The following SPAG16 variants were observed in gnomAD, a reference collection of about 807,000 sequenced individuals.
SPAG16 encodes the protein sperm-associated antigen 16 protein.
In SPAG16, 86 loss-of-function variants were observed where a neutral mutation model predicts 80.4. The observed-to-expected ratio is 1.07, with a 90% confidence interval of 0.90 to 1.28. SPAG16 has a LOEUF of 1.28. Among genes scored for constraint, SPAG16 ranks in the 50% most tolerant of loss-of-function variants. The pLI is 0.00. For synonymous variants in SPAG16, 294 were observed against 265.9 expected (o/e 1.11, Z -1.03); for missense variants, 870 against 765.3 (o/e 1.14, Z -1.61).
chr2:214,005,549 T>G (rs558514298), intron 12 of SPAG16, among the ~76,000 whole-genome samples: 1 of 152,304 alleles, frequency 6.6e-6, no homozygotes, highest in East Asian at 1.9e-4. Flanking sequence ...CACGTGATTT[T>G]CATACAGACA....
chr2:213,474,800 G>A (rs1410067944), intron 9 of SPAG16, among the ~76,000 whole-genome samples: 3 of 152,100 alleles, frequency 2.0e-5, no homozygotes, highest in Admixed American at 1.3e-4. Context: ...GAGATATACT[G>A]GCAGCTGATT....
intron 5 of SPAG16, among the ~76,000 whole-genome samples, chr2:213,318,678 T>C (rs886750755): frequency 6.6e-6 from 1 of 151,900 alleles, no homozygotes; most frequent in African/African-American, 2.4e-5. Context: ...CTATCCATAA[T>C]TTCACCACCC....
chr2:213,993,322 T>G (rs2046369605), intron 12 of SPAG16, among the ~76,000 whole-genome samples: 1 of 152,224 alleles, frequency 6.6e-6, no homozygotes, highest in Admixed American at 6.5e-5. Flanking sequence ...AGTCACACAG[T>G]GCAAAATATT....
chr2:214,253,013 A>G (rs1364490996), intron 15 of SPAG16, among the ~76,000 whole-genome samples: 1 of 150,486 alleles, frequency 6.6e-6, no homozygotes, highest in African/African-American at 2.4e-5. Context: ...ATGGTATCTC[A>G]TTGTGGTTTG....
intron 13 of SPAG16, among the ~76,000 whole-genome samples, chr2:214,025,345 T>C (rs189274476): frequency 7.6e-4 from 115 of 151,708 alleles, no homozygotes; most frequent in Non-Finnish European, 1.2e-3. Flanking sequence ...AATTCCACAG[T>C]ATGTATAGTG....
intron 10 of SPAG16, among the ~76,000 whole-genome samples, chr2:213,638,627 T>A (rs2062461699): frequency 6.6e-6 from 1 of 152,202 alleles, no homozygotes; most frequent in South Asian, 2.1e-4. Context: ...TAATTTTATT[T>A]TCTTAAATTT....
chr2:214,261,860 T>G (rs1691204057), intron 15 of SPAG16, among the ~76,000 whole-genome samples: 1 of 152,190 alleles, frequency 6.6e-6, no homozygotes, highest in Non-Finnish European at 1.5e-5. Context: ...TGTGGAATTT[T>G]GATGCAAATG....
intron 10 of SPAG16, among the ~76,000 whole-genome samples, chr2:213,673,557 A>C (rs573661464): frequency 2.6e-5 from 4 of 152,164 alleles, no homozygotes; most frequent in Non-Finnish European, 5.9e-5. Flanking sequence ...AAGACCATTG[A>C]GTCAAGGGAA....
At chr2:213,847,288 A>G (rs940686957) in intron 10 of SPAG16, among the ~76,000 whole-genome samples, 10 of 152,170 alleles carry the variant, frequency 6.6e-5, no homozygotes, top group African/African-American at 2.4e-4. Flanking sequence ...CTATGAAGAA[A>G]TACCTGGGTA....
intron 10 of SPAG16, among the ~76,000 whole-genome samples, chr2:213,612,703 C>A (rs1187503423): frequency 6.6e-6 from 1 of 152,042 alleles, no homozygotes; most frequent in African/African-American, 2.4e-5. Flanking sequence ...TTTTGAGACG[C>A]AGTTTCGCTC....
intron 10 of SPAG16, among the ~76,000 whole-genome samples, chr2:213,801,407 TAGAA>T (rs1200203278): frequency 1.3e-5 from 2 of 152,218 alleles, no homozygotes; most frequent in Non-Finnish European, 2.9e-5. Flanking sequence ...TACTAAAAGA[TAGAA>T]AGAACAAGAC....
chr2:213,786,005 C>CT (rs1193420618), intron 10 of SPAG16, among the ~76,000 whole-genome samples: 2 of 146,554 alleles, frequency 1.4e-5, no homozygotes, highest in Admixed American at 6.8e-5. Context: ...AAAACTCCGT[C>CT]TAAAAAAAAA....
At chr2:213,426,850 C>T (rs1215931625) in intron 9 of SPAG16, among the ~76,000 whole-genome samples, 14 of 144,718 alleles carry the variant, frequency 9.7e-5, no homozygotes, top group African/African-American at 3.0e-4. Flanking sequence ...CACACACACA[C>T]ACACACACAC....
At chr2:214,316,331 G>C (rs1695689263) in intron 15 of SPAG16, among the ~76,000 whole-genome samples, 1 of 152,182 alleles carries the variant, frequency 6.6e-6, no homozygotes, top group South Asian at 2.1e-4. Flanking sequence ...CAATTTGACT[G>C]AGATGGGAGG....
chr2:213,630,354 G>A lies in SPAG16; in HGVS notation c.1070+140264G>A, dbSNP rs545067430. Among the ~76,000 whole-genome samples, 1,077 of 151,482 alleles carry A rather than the reference G, an allele frequency of 7.1e-3. 13 individuals are homozygous for A. Among genetic ancestry groups the A allele is most frequent in the African/African-American group, 0.025 (1,026 of 41,278 alleles). On this transcript the variant is annotated intron_variant, in intron 10 of 15. Coordinates refer to ENST00000331683, the MANE Select transcript of SPAG16 (RefSeq NM_024532.5). ...AGCCGAGATTGCACCACTGCACTCCGGCCTGGGTGACAGAGCAAGACTCCA... is the reference window on the plus strand; with the variant it reads ...AGCCGAGATTGCACCACTGCACTCCAGCCTGGGTGACAGAGCAAGACTCCA...
intron 13 of SPAG16, among the ~76,000 whole-genome samples, chr2:214,100,251 T>G (rs1027349157): frequency 6.6e-6 from 1 of 152,036 alleles, no homozygotes; most frequent in Non-Finnish European, 1.5e-5. Context: ...ACCTTTTTTC[T>G]CTATAAATTA....
intron 5 of SPAG16, among the ~76,000 whole-genome samples, chr2:213,330,367 T>C (rs987839575): frequency 1.3e-5 from 2 of 152,210 alleles, no homozygotes; most frequent in African/African-American, 2.4e-5. Flanking sequence ...CACAGGAGCC[T>C]ACCTCTTGTA....
At chr2:214,043,610 T>C (rs2049154143) in intron 13 of SPAG16, among the ~76,000 whole-genome samples, 1 of 152,166 alleles carries the variant, frequency 6.6e-6, no homozygotes, top group African/African-American at 2.4e-5. Context: ...CAGTCATATA[T>C]TGTGATGTTA....
At chr2:213,752,636 T>C (rs149611535) in intron 10 of SPAG16, among the ~76,000 whole-genome samples, 48 of 152,354 alleles carry the variant, frequency 3.2e-4, no homozygotes, top group African/African-American at 1.0e-3. Flanking sequence ...CATTCCTCTG[T>C]TGCCTTGGTT....
Sources: allele counts gnomAD v4.1 joint callset (sites outside exome capture counted in the v4.1 genomes callset), GRCh38; gene constraint gnomAD v4.1.1; transcripts MANE v1.5; gene names NCBI Gene and HGNC (gene_info 2026-07-23, HGNC 2026-07-21).